Variants in COG7 observed in about 807,000 individuals in gnomAD.
COG7 encodes conserved oligomeric Golgi complex subunit 7.
A neutral mutation model predicts 91.5 loss-of-function variants in COG7; 49 were observed. The observed-to-expected ratio is 0.54, with a 90% CI of 0.43 to 0.68. The LOEUF is 0.68. COG7 is among the 30% of genes least tolerant of loss of function. The probability of loss-of-function intolerance (pLI) is 0.00; values close to 1 mark genes in which losing one functional copy is unlikely to be tolerated. For synonymous variants in COG7, 365 were observed against 388.7 expected, an observed-to-expected ratio of 0.94 and a Z score of 0.72; for missense variants, 895 against 961.3, an observed-to-expected ratio of 0.93 and a Z score of 0.91.
chr16:23,433,758 GGA>G, intron 5 of COG7, 91 bp from the exon 6 acceptor site: 1 of 1,521,076 alleles, frequency 6.6e-7, no homozygotes, highest in South Asian at 1.1e-5. Flanking sequence ...GCGTAATCAC[GGA>G]TTGCTCAATG....
intron 12 of COG7, among the ~76,000 whole-genome samples, chr16:23,405,263 G>A (rs187403464): frequency 6.6e-6 from 1 of 152,250 alleles, no homozygotes; most frequent in African/African-American, 2.4e-5. Flanking sequence ...GACTCCTGGT[G>A]ACTCTGCAGC....
At chr16:23,391,260 A>T (rs1212532937) in intron 16 of COG7, among the ~76,000 whole-genome samples, 1 of 152,232 alleles carries the variant, frequency 6.6e-6, no homozygotes, top group African/African-American at 2.4e-5. Flanking sequence ...AATAACAAGG[A>T]CAACTGAAAC....
rs1487256385 is a variant in COG7 at position 23,403,771 on chromosome 16, G to A, written c.1726C>T (p.Gln576Ter). 4 of 1,614,240 alleles carry A rather than the reference G, an allele frequency of 2.5e-6. No homozygotes were observed. Among genetic ancestry groups the A allele is most frequent in the Admixed American group, 1.7e-5 (1 of 60,026 alleles). The stretch of plus-strand genomic sequence containing the variant: ...TCGAAAGCCAGCTGGTGGGCCTGCT[G>A]GTTAAGCCGAGTCAGCGCTGCTCGA... ...APRAALTRLN[Q>*]QAHQLAFDSV... The change falls in exon 13 of 17, where the codon CAG becomes TAG. Residue 576 changes from glutamine (Q) to a stop codon, truncating the protein, a stop_gained. Transcript: ENST00000307149. LOFTEE classifies it high-confidence loss of function.
intron 6 of COG7, among the ~76,000 whole-genome samples, chr16:23,431,564 C>T (rs1461199873): frequency 1.3e-5 from 2 of 152,038 alleles, no homozygotes; most frequent in Non-Finnish European, 2.9e-5. Context: ...AATCCCAGCA[C>T]TTTGGGAGGT....
intron 1 of COG7, among the ~76,000 whole-genome samples, chr16:23,451,743 A>G (rs1352175000): frequency 6.6e-6 from 1 of 151,720 alleles, no homozygotes; most frequent in South Asian, 2.1e-4. Flanking sequence ...AAAAAAAAAA[A>G]AAGGTTTAAG....
At chr16:23,413,347 AC>A (rs779139413) in intron 10 of COG7, 100 bp downstream of exon 10, 130 of 791,870 alleles carry the variant, frequency 1.6e-4, no homozygotes, top group Non-Finnish European at 2.5e-4. Flanking sequence ...AAGAAAAAAA[AC>A]GAACCCCTTC....
In COG7 at chr16:23,442,800, T is replaced by C. The variant is rs391662; in HGVS notation, c.436-155A>G. Reference sequence around the variant, plus strand: ...CCTGTAATCCCAGCACTTTCGGAGATTGAGGCAGGAGGATCCCTTGAAGCC... The same window carrying C: ...CCTGTAATCCCAGCACTTTCGGAGACTGAGGCAGGAGGATCCCTTGAAGCC... On this transcript the variant is annotated intron_variant, in intron 3 of 16. Coordinates refer to ENST00000307149, the MANE Select transcript of COG7 (RefSeq NM_153603.4). 0.17 allele frequency among the ~76,000 whole-genome samples: 25,121 copies of C among 151,956 alleles called. 2,244 individuals are homozygous for C. The highest frequency in any genetic ancestry group is 0.29 in the East Asian group (1,498 of 5,172).
chr16:23,426,153 T>C (rs753525194), intron 6 of COG7, among the ~76,000 whole-genome samples: 4 of 152,206 alleles, frequency 2.6e-5, no homozygotes, highest in South Asian at 4.2e-4. Context: ...TAGGCAGAGA[T>C]TGCAGTGAGC....
At chr16:23,419,652 G>A (rs763436121) in intron 7 of COG7, among the ~76,000 whole-genome samples, 3 of 149,940 alleles carry the variant, frequency 2.0e-5, no homozygotes, top group Non-Finnish European at 4.4e-5. Flanking sequence ...GGGAGGCTGA[G>A]GCAGGAGAAT....
At chr16:23,421,826 G>A (rs1419286055) in intron 7 of COG7, among the ~76,000 whole-genome samples, 2 of 148,002 alleles carry the variant, frequency 1.4e-5, no homozygotes, top group Non-Finnish European at 3.0e-5. Context: ...ACTCCCGCCT[G>A]GGCAACAGAG....
intron 7 of COG7, 100 bp downstream of exon 7, chr16:23,424,649 T>C: frequency 8.0e-7 from 1 of 1,253,362 alleles, no homozygotes; most frequent in Non-Finnish European, 1.2e-6. Context: ...TCCATTTCTG[T>C]AAAATCAGTC....
rs1963966651 is a variant in COG7 at position 23,433,579 on chromosome 16, C to T, written c.776G>A (p.Gly259Asp). 2 of 1,614,040 alleles carry T rather than the reference C, an allele frequency of 1.2e-6. No individual in the cohort carries two copies. The highest frequency in any genetic ancestry group is 4.5e-5 in the East Asian group (2 of 44,860). ...CCACTGGATTTGTGTGTGCCAAGCACCAAGCAAGGCATCATAGAGTCCGGT... is the reference window on the plus strand; with the variant it reads ...CCACTGGATTTGTGTGTGCCAAGCATCAAGCAAGGCATCATAGAGTCCGGT... ...QLTGLYDALL[G>D]AWHTQIQWAT... is the part of the protein sequence containing the mutation. Residue 259 changes from glycine (G) to aspartate (D), a missense_variant, in exon 6 of 17, where the codon GGT (glycine) becomes GAT (aspartate). By Grantham distance (94) the Gly-to-Asp change is moderately conservative. Transcript: ENST00000307149.
intron 7 of COG7, among the ~76,000 whole-genome samples, chr16:23,419,102 C>T (rs1205295535): frequency 2.0e-5 from 3 of 152,206 alleles, no homozygotes; most frequent in African/African-American, 7.2e-5. Context: ...AATAAGAATC[C>T]CTTCAAAAGA....
intron 16 of COG7, among the ~76,000 whole-genome samples, chr16:23,390,956 G>C (rs1963185975): frequency 6.6e-6 from 1 of 152,244 alleles, no homozygotes. Flanking sequence ...ATTTTTGTTT[G>C]GCGAGCAGTG....
chr16:23,415,428 GT>G (rs1963636840), intron 9 of COG7: 3 of 152,134 alleles, frequency 2.0e-5, no homozygotes, highest in Non-Finnish European at 4.4e-5. Flanking sequence ...ATTCTAAATG[GT>G]TTGTCATGAA....
At chr16:23,443,232 G>A (rs959378561) in intron 3 of COG7, among the ~76,000 whole-genome samples, 4 of 152,138 alleles carry the variant, frequency 2.6e-5, no homozygotes, top group African/African-American at 9.7e-5. Context: ...TTAGCAATAT[G>A]TGCTAAGAGT....
intron 16 of COG7, among the ~76,000 whole-genome samples, chr16:23,389,287 C>T (rs1042861535): frequency 6.6e-6 from 1 of 152,038 alleles, no homozygotes; most frequent in Admixed American, 6.6e-5. Context: ...GAGCTTGGCT[C>T]GAGTCTAGGA....
intron 7 of COG7, among the ~76,000 whole-genome samples, chr16:23,422,368 T>C (rs1471872560): frequency 6.6e-6 from 1 of 151,428 alleles, no homozygotes; most frequent in Admixed American, 6.6e-5. Context: ...AAACATTTAA[T>C]GACATAAGAA....
rs1963135999 is a variant in COG7, at chr16:23,388,775, C to T, written c.*145G>A. On this transcript the variant is annotated 3_prime_UTR_variant, in exon 17 of 17. Transcript: ENST00000307149. ...TTGGCCTCCCAAAGTGCTGGGATTACAGGCGTGAGCCACCGTGACCAGCTG... is the reference window on the plus strand; with the variant it reads ...TTGGCCTCCCAAAGTGCTGGGATTATAGGCGTGAGCCACCGTGACCAGCTG... 4 of 1,431,366 alleles carry T rather than the reference C, an allele frequency of 2.8e-6. No homozygotes were observed. Among genetic ancestry groups the T allele is most frequent in the Non-Finnish European group, 2.8e-6 (3 of 1,078,772 alleles). 88.7% of individuals were successfully genotyped at this position (1,431,366 alleles called of 1,614,324 possible). A position where few individuals can be genotyped will look rare whatever the true frequency, so the allele number is the denominator to read the frequency against.
Sources: gnomAD v4.1 joint callset for allele counts (sites outside exome capture counted in the v4.1 genomes callset) on GRCh38, gnomAD v4.1.1 for gene constraint, MANE v1.5 for transcripts, NCBI Gene and HGNC (gene_info 2026-07-23, HGNC 2026-07-21) for gene names.